Variants in PMEL observed in about 807,000 individuals in gnomAD.
PMEL encodes melanocyte protein PMEL.
In PMEL, 53 loss-of-function variants were observed where a neutral mutation model predicts 64.9. The observed-to-expected ratio is 0.82, with a 90% CI of 0.66 to 1.03. The LOEUF (loss-of-function observed/expected upper bound fraction) is 1.03. Ranked by LOEUF, PMEL falls within the 50% of genes least tolerant of loss-of-function variation. PMEL has a pLI of 0.00. For missense variants in PMEL, 716 were observed against 814.9 expected (o/e 0.88, Z 1.48); for synonymous variants, 299 against 316.2 (o/e 0.95, Z 0.58).
intron 1 of PMEL, among the ~76,000 whole-genome samples, chr12:55,965,423 TCACGAG>T (rs1480759754): frequency 7.5e-6 from 1 of 133,554 alleles, no homozygotes; most frequent in Non-Finnish European, 1.6e-5. Context: ...CTTGCTCCTG[TCACGAG>T]GCCCAATCCC....
At position 55,955,496 on chromosome 12, in the gene PMEL, A is replaced by G. The variant is rs1414827012; in HGVS notation, c.1730T>C (p.Leu577Pro). 6.2e-7 allele frequency: 1 copy of G among 1,613,944 alleles called. No individual in the cohort carries two copies. The highest frequency in any genetic ancestry group is 1.3e-5 in the African/African-American group (1 of 74,894). ...LNVSLADTNSLAVVSTQLIMP... is the reference protein window; with the variant it reads ...LNVSLADTNSPAVVSTQLIMP... ...GATAAGCTGGGTGCTGACCACTGCC[A>G]GGCTGTTGGTATCAGCCAGAGACAC... Residue 577 changes from leucine (L) to proline (P), a missense_variant, in exon 9 of 11, where the codon CTG (leucine) becomes CCG (proline). Coordinates refer to ENST00000548747, the MANE Select transcript of PMEL (RefSeq NM_001384361.1).
In PMEL at chr12:55,958,465, T is replaced by TC. The variant is rs1409860508; in HGVS notation, c.469+7dup. On this transcript the variant is annotated splice_region_variant and intron_variant, in intron 4 of 10. Coordinates refer to ENST00000548747, the MANE Select transcript of PMEL (RefSeq NM_001384361.1). The stretch of plus-strand genomic sequence containing the variant: ...TGTGGATGATAGGCTGAGAAGGGAG[T>TC]CCCTCACCCCAGGTCTTCCAGACAT... 3.1e-6 allele frequency: 5 copies of TC among 1,611,292 alleles called. No individual in the cohort carries two copies. Among genetic ancestry groups the TC allele is most frequent in the Admixed American group, 1.7e-5 (1 of 59,592 alleles).
intron 3 of PMEL, among the ~76,000 whole-genome samples, chr12:55,960,560 T>G (rs1348101372): frequency 2.3e-5 from 3 of 132,506 alleles, no homozygotes; most frequent in Non-Finnish European, 4.9e-5. Flanking sequence ...TTTTTTTTTT[T>G]GAAATGGAGT....
rs144783078 is a variant in PMEL, at chr12:55,957,586, G to A, written c.717C>T (p.Thr239=). The change falls in exon 6 of 11, where the codon ACC becomes ACT. Residue 239 remains threonine (T), a synonymous_variant. Transcript: ENST00000548747. ...NKHFLRNQPL[T]FALQLHDPSG... ...TGGGGTCATGGAGCTGGAGGGCAAA[G>A]GTCAGAGGCTGATTTCTCAGGAAGT... is the stretch of plus-strand genomic sequence containing the variant. 5.8e-5 allele frequency: 93 copies of A among 1,613,682 alleles called. No homozygotes were observed. The African/African-American group carries it at 1.2e-3, about 21-fold the overall frequency.
At chr12:55,961,239 G>C in intron 3 of PMEL, 78 bp downstream of exon 3, 1 of 1,307,784 alleles carries the variant, frequency 7.6e-7, no homozygotes, top group Non-Finnish European at 1.1e-6. Context: ...GAGAAGGAAG[G>C]GGCATTCCCT....
intron 1 of PMEL, among the ~76,000 whole-genome samples, chr12:55,965,409 G>A (rs376650540): frequency 8.8e-5 from 6 of 68,454 alleles, no homozygotes; most frequent in East Asian, 9.5e-4. Context: ...CCCCACCCCC[G>A]CCCCTTGCTC....
At chr12:55,961,146 A>G (rs930723978) in intron 3 of PMEL, 171 bp downstream of exon 3, 1 of 563,546 alleles carries the variant, frequency 1.8e-6, no homozygotes, top group Non-Finnish European at 3.1e-6. Context: ...CAGAGCTTGC[A>G]GTGAGCCGAG....
At chr12:55,964,948 G>A (rs1323176923) in intron 1 of PMEL, among the ~76,000 whole-genome samples, 2 of 119,134 alleles carry the variant, frequency 1.7e-5, no homozygotes, top group African/African-American at 3.1e-5. Context: ...TTTTTTTTGA[G>A]ACGGAGACTC....
intron 3 of PMEL, among the ~76,000 whole-genome samples, chr12:55,959,766 C>T (rs1889030032): frequency 6.6e-6 from 1 of 152,158 alleles, no homozygotes; most frequent in South Asian, 2.1e-4. Context: ...GATCGCACCA[C>T]TGCACTCCAG....
At chr12:55,962,146 T>A (rs556802774) in intron 1 of PMEL, among the ~76,000 whole-genome samples, 1 of 152,046 alleles carries the variant, frequency 6.6e-6, no homozygotes, top group South Asian at 2.1e-4. Flanking sequence ...GAAGTGCATT[T>A]TTAAAACTCA....
Position 55,957,035 on chromosome 12 carries a change from C to T in PMEL, c.1268G>A (p.Trp423Ter). ...TAGCTCTCTAGCTGTGGTCTCCACC[C>T]ACTCTGTAGTTGTTACCTGTGCAGC... is the stretch of plus-strand genomic sequence containing the variant. ...TTAAQVTTTE[W>*]VETTARELPI... The change falls in exon 6 of 11, where the codon TGG becomes TAG. Residue 423 changes from tryptophan to a stop codon, truncating the protein, a stop_gained. Transcript: ENST00000548747. LOFTEE classifies it high-confidence loss of function. 1 of 1,614,214 alleles carries T rather than the reference C, an allele frequency of 6.2e-7. No homozygotes were observed. Among genetic ancestry groups the T allele is most frequent in the South Asian group, 1.1e-5 (1 of 91,080 alleles).
chr12:55,961,503 C>T, intron 2 of PMEL, 40 bp from the exon 3 acceptor site: 1 of 1,612,152 alleles, frequency 6.2e-7, no homozygotes, highest in Non-Finnish European at 8.5e-7. Context: ...TCCTGGGCTT[C>T]CCCTCCCTGT....
chr12:55,954,147 G>T lies in PMEL; in HGVS notation c.*67C>A. The T allele has an allele frequency of 6.9e-7, 1 of 1,443,006 alleles. No homozygotes were observed. Among genetic ancestry groups the T allele is most frequent in the Non-Finnish European group, 9.5e-7 (1 of 1,055,216 alleles). 89.4% of individuals were successfully genotyped at this position (1,443,006 alleles called of 1,614,324 possible). On this transcript the variant is annotated 3_prime_UTR_variant, in exon 11 of 11. Transcript: ENST00000548747. The stretch of plus-strand genomic sequence containing the variant: ...ATTTCAGTTAATAGTAGTCTCCCAG[G>T]GAAGACTGGGGGAAATATAGGTGTT...
rs1210846425 is a variant in PMEL at position 55,957,384 on chromosome 12, G to T, written c.919C>A (p.Pro307Thr). The T allele has an allele frequency of 1.3e-6, 2 of 1,599,154 alleles. No homozygotes were observed. The highest frequency in any genetic ancestry group is 4.5e-5 in the East Asian group (2 of 44,706). ...PLTSCGSSPVPGTTDGHRPTA... is the reference protein window; with the variant it reads ...PLTSCGSSPVTGTTDGHRPTA... Reference sequence around the variant, plus strand: ...GGCCTGTGCCCATCTGTGGTGCCTGGAACTGGGGAGGAGCCACAGGAGGTG... The same window carrying T: ...GGCCTGTGCCCATCTGTGGTGCCTGTAACTGGGGAGGAGCCACAGGAGGTG... Residue 307 changes from proline (P) to threonine (T), a missense_variant, in exon 6 of 11, where the codon CCA becomes ACA. Transcript: ENST00000548747.
rs766777704 is a variant in PMEL, at chr12:55,956,259, A to G, written c.1355-40T>C. ...TCAAGGAGGCAAGATCAAGAGACAG[A>G]TGACTCATCTGGAGGCAGAGGCCAA... On this transcript the variant is annotated intron_variant, in intron 6 of 10. Transcript: ENST00000548747. 3.8e-6 allele frequency: 5 copies of G among 1,330,506 alleles called. No homozygotes were observed. The Admixed American group carries it at 8.6e-5, about 23-fold the overall frequency. The allele number at this position is 1,330,506 out of a possible 1,614,324, so 82.4% of individuals were successfully genotyped here.
Position 55,957,058 on chromosome 12 carries a change from A to C in PMEL, c.1245T>G (p.Ala415=). The change falls in exon 6 of 11, where the codon GCT becomes GCG. Residue 415 remains alanine, a synonymous_variant. Transcript: ENST00000548747. ...VSIVVLSGTT[A]AQVTTTEWVE... is the part of the protein sequence containing the mutation. ...CCCACTCTGTAGTTGTTACCTGTGC[A>C]GCTGTGGTTCCAGAAAGCACCACAA... The C allele has an allele frequency of 6.2e-7, 1 of 1,614,246 alleles. No homozygotes were observed. The highest frequency in any genetic ancestry group is 8.5e-7 in the Non-Finnish European group (1 of 1,180,050).
At position 55,955,778 on chromosome 12, in the gene PMEL, C is replaced by T. The variant is rs1366467094; in HGVS notation, c.1556+1G>A. 6.2e-7 allele frequency: 1 copy of T among 1,613,546 alleles called. No individual in the cohort carries two copies. Among genetic ancestry groups the T allele is most frequent in the South Asian group, 1.1e-5 (1 of 91,060 alleles). On this transcript the variant is annotated splice_donor_variant, in intron 8 of 10. Coordinates refer to ENST00000548747, the MANE Select transcript of PMEL (RefSeq NM_001384361.1). LOFTEE classifies it high-confidence loss of function. ...TACCAGCACACTAGTGAGACACTCA[C>T]CCGCCTTGGCAGGACACAGTCAGCT...
At position 55,961,358 on chromosome 12, in the gene PMEL, G is replaced by A; in HGVS notation, c.293C>T (p.Pro98Leu). 6.2e-7 allele frequency: 1 copy of A among 1,614,120 alleles called. No homozygotes were observed. Among genetic ancestry groups the A allele is most frequent in the Non-Finnish European group, 8.5e-7 (1 of 1,179,974 alleles). Residue 98 changes from proline to leucine, a missense_variant, in exon 3 of 11, where the codon CCA (proline) becomes CTA (leucine). Pro to Leu is a moderately conservative substitution (Grantham distance 98, BLOSUM62 -3). Transcript: ENST00000548747. ...GTTGACCCAGATAACCTGCCCATCT[G>A]GCAATACCTTTTGGCTTCCAGGGAA... ...LNFPGSQKVL[P>L]DGQVIWVNNT...
chr12:55,959,464 T>A (rs996339039), intron 3 of PMEL, among the ~76,000 whole-genome samples: 1 of 151,444 alleles, frequency 6.6e-6, no homozygotes, highest in Admixed American at 6.6e-5. Flanking sequence ...TATAGCCACA[T>A]ATCAAAATAT....
Sources: allele counts gnomAD v4.1 joint callset (sites outside exome capture counted in the v4.1 genomes callset), GRCh38; gene constraint gnomAD v4.1.1; transcripts MANE v1.5; gene names NCBI Gene and HGNC (gene_info 2026-07-23, HGNC 2026-07-21).